Variants in DMRT1 observed in about 807,000 individuals in gnomAD.
The protein encoded by DMRT1 is doublesex and mab-3 related transcription factor 1, also known as doublesex- and mab-3-related transcription factor 1.
Under a neutral mutation model 32.3 loss-of-function variants are expected in DMRT1, and 7 were observed. That is an observed-to-expected ratio of 0.22 (90% CI 0.12 to 0.41). DMRT1 has a LOEUF of 0.41. Among genes scored for constraint, DMRT1 ranks in the 10% least tolerant of loss-of-function variants. The probability of loss-of-function intolerance (pLI) is 1.00; values close to 1 mark genes in which losing one functional copy is unlikely to be tolerated. For synonymous variants in DMRT1, 278 were observed against 206.1 expected (o/e 1.35, Z -2.99); for missense variants, 625 against 500.5 (o/e 1.25, Z -2.37).
chr9:898,097 G>A (rs757377267), intron 3 of DMRT1, among the ~76,000 whole-genome samples: 7 of 151,978 alleles, frequency 4.6e-5, no homozygotes, highest in South Asian at 4.1e-4. Context: ...AACCAGAGTC[G>A]TTTTTCTTTT....
intron 2 of DMRT1, among the ~76,000 whole-genome samples, chr9:849,272 T>G (rs1441208635): frequency 1.3e-5 from 2 of 152,082 alleles, no homozygotes; most frequent in African/African-American, 4.8e-5. Flanking sequence ...CCTTGGAAAA[T>G]GGACACTTAA....
intron 3 of DMRT1, among the ~76,000 whole-genome samples, chr9:911,776 G>C (rs1327523788): frequency 6.6e-6 from 1 of 152,158 alleles, no homozygotes; most frequent in Non-Finnish European, 1.5e-5. Context: ...GCAGGCGTGA[G>C]CCACCGCGCC....
chr9:841,921 C>G lies in DMRT1; in HGVS notation c.83C>G (p.Ala28Gly). The G allele has an allele frequency of 1.9e-6, 3 of 1,607,644 alleles. No individual in the cohort carries two copies. The highest frequency in any genetic ancestry group is 2.5e-6 in the Non-Finnish European group (3 of 1,177,114). Residue 28 changes from alanine (A) to glycine (G), a missense_variant, in exon 1 of 5, where the codon GCC becomes GGC. Around this residue, in one of 3 missense-constraint regions of DMRT1, gnomAD observed 201 missense variants for 152.0 expected, o/e 1.32. Coordinates refer to ENST00000382276, the MANE Select transcript of DMRT1 (RefSeq NM_021951.3). ...CCCGGGGTACCGCCGCAGGGCAGAGCCGGGGGCTTTGGCAAAGCGTCTGGG... is the reference window on the plus strand; with the variant it reads ...CCCGGGGTACCGCCGCAGGGCAGAGGCGGGGGCTTTGGCAAAGCGTCTGGG... ...HAPGVPPQGR[A>G]GGFGKASGAL...
chr9:883,287 A>G (rs189943956), intron 2 of DMRT1, among the ~76,000 whole-genome samples: 1 of 152,092 alleles, frequency 6.6e-6, no homozygotes, highest in Admixed American at 6.6e-5. Flanking sequence ...GATAAGACAA[A>G]AATCTCTTCC....
In DMRT1 at chr9:894,148, G is replaced by T; in HGVS notation, c.775G>T (p.Gly259Cys). ...GGSPVKNSLR[G>C]LPGPYVPGQT... ...ATCCCCTGTGAAGAACAGCCTTCGG[G>T]GCCTCCCCGGACCTTATGTGCCTGG... Residue 259 changes from glycine (G) to cysteine (C), a missense_variant, in exon 3 of 5, where the codon GGC becomes TGC. Physicochemically the swap from Gly to Cys is radical, Grantham distance 159. Transcript: ENST00000382276. 1.2e-6 allele frequency: 2 copies of T among 1,614,090 alleles called. No homozygotes were observed. Among genetic ancestry groups the T allele is most frequent in the Non-Finnish European group, 1.7e-6 (2 of 1,180,048 alleles).
chr9:955,654 C>T (rs1231665705), intron 4 of DMRT1, among the ~76,000 whole-genome samples: 2 of 152,110 alleles, frequency 1.3e-5, no homozygotes, highest in African/African-American at 2.4e-5. Context: ...TGCAGTAAGC[C>T]GTGATAGTGC....
chr9:842,910 A>G (rs1564190173), intron 1 of DMRT1: 1 of 152,270 alleles, frequency 6.6e-6, no homozygotes, highest in Non-Finnish European at 1.5e-5. Context: ...GGGAGGGTTT[A>G]TTGCGCTAGA....
At chr9:873,749 G>T (rs1050094087) in intron 2 of DMRT1, among the ~76,000 whole-genome samples, 3 of 152,160 alleles carry the variant, frequency 2.0e-5, no homozygotes, top group Non-Finnish European at 4.4e-5. Context: ...TTAATAACTG[G>T]GGGAATGGCC....
At chr9:871,123 G>A (rs550145137) in intron 2 of DMRT1, among the ~76,000 whole-genome samples, 1 of 151,672 alleles carries the variant, frequency 6.6e-6, no homozygotes, top group Non-Finnish European at 1.5e-5. Context: ...TGCAACCTTC[G>A]CCTTCTGGGC....
At chr9:890,625 AC>A (rs1239065177) in intron 2 of DMRT1, among the ~76,000 whole-genome samples, 1 of 152,058 alleles carries the variant, frequency 6.6e-6, no homozygotes, top group Admixed American at 6.6e-5. Flanking sequence ...GTTTCTGGGC[AC>A]CTTCTTTGGG....
chr9:967,943 C>CCTTTCTCT (rs2130025543), intron 4 of DMRT1, 42 bp from the exon 5 acceptor site: 1 of 1,591,012 alleles, frequency 6.3e-7, no homozygotes, highest in East Asian at 2.2e-5. Flanking sequence ...AACATTACTC[C>CCTTTCTCT]CTTTCTCCCT....
chr9:905,199 C>A (rs1817725894), intron 3 of DMRT1, among the ~76,000 whole-genome samples: 2 of 152,176 alleles, frequency 1.3e-5, no homozygotes, highest in South Asian at 4.1e-4. Context: ...GATGGGTTGC[C>A]CTCAGCACCC....
At chr9:845,814 T>A (rs181881818) in intron 1 of DMRT1, among the ~76,000 whole-genome samples, 1 of 152,194 alleles carries the variant, frequency 6.6e-6, no homozygotes, top group Non-Finnish European at 1.5e-5. Context: ...ATTATTCCGA[T>A]ATGTACTGCC....
At chr9:845,631 G>A (rs990239249) in intron 1 of DMRT1, among the ~76,000 whole-genome samples, 1 of 152,114 alleles carries the variant, frequency 6.6e-6, no homozygotes, top group Non-Finnish European at 1.5e-5. Context: ...TCACACACCT[G>A]TCTTCTCCCT....
At chr9:898,148 C>T (rs1275108113) in intron 3 of DMRT1, among the ~76,000 whole-genome samples, 1 of 150,650 alleles carries the variant, frequency 6.6e-6, no homozygotes, top group Non-Finnish European at 1.5e-5. Flanking sequence ...GAGACAGGGC[C>T]TCACTCTGTC....
intron 2 of DMRT1, among the ~76,000 whole-genome samples, chr9:870,963 C>T (rs890861722): frequency 5.9e-5 from 9 of 151,664 alleles, no homozygotes; most frequent in African/African-American, 1.2e-4. Context: ...ATCCTCCTGA[C>T]ACCCAAAGTG....
At chr9:843,592 A>G (rs533518765) in intron 1 of DMRT1, among the ~76,000 whole-genome samples, 17 of 152,328 alleles carry the variant, frequency 1.1e-4, no homozygotes, top group East Asian at 7.7e-4. Context: ...ATTTTAACGG[A>G]AAGTTAATGT....
Position 894,123 on chromosome 9 carries a change from A to T in DMRT1, c.750A>T (p.Gly250=). 3.7e-6 allele frequency: 6 copies of T among 1,614,152 alleles called. No homozygotes were observed. Among genetic ancestry groups the T allele is most frequent in the Non-Finnish European group, 5.1e-6 (6 of 1,180,032 alleles). ...ASGEVGNPLG[G]SPVKNSLRGL... is the part of the protein sequence containing the mutation. ...GGGAGGTGGGAAATCCCCTCGGGGG[A>T]TCCCCTGTGAAGAACAGCCTTCGGG... The change falls in exon 3 of 5, where the codon GGA becomes GGT. Residue 250 remains glycine (G), a synonymous_variant. Transcript: ENST00000382276.
At chr9:932,308 C>G (rs1310050326) in intron 4 of DMRT1, among the ~76,000 whole-genome samples, 2 of 152,110 alleles carry the variant, frequency 1.3e-5, no homozygotes, top group African/African-American at 4.8e-5. Context: ...GCCAGTTTTC[C>G]TGGCAGATAC....
Sources: allele counts gnomAD v4.1 joint callset (sites outside exome capture counted in the v4.1 genomes callset), GRCh38; gene constraint gnomAD v4.1.1; regional missense constraint gnomAD v4.1.1; transcripts MANE v1.5; gene names NCBI Gene and HGNC (gene_info 2026-07-23, HGNC 2026-07-21).